The following TEAD1 variants were observed in gnomAD, a reference collection of about 807,000 sequenced individuals.
TEAD1 encodes the protein TEA domain transcription factor 1.
In TEAD1, 9 loss-of-function variants were observed where a neutral mutation model predicts 54.9. That is an observed-to-expected ratio of 0.16 (90% CI 0.10 to 0.29). The LOEUF (loss-of-function observed/expected upper bound fraction) is 0.29, where lower values mean the gene tolerates loss of function less well. Among genes scored for constraint, TEAD1 ranks in the 10% least tolerant of loss-of-function variants. The pLI is 1.00. For missense variants in TEAD1, 387 were observed against 535.9 expected (o/e 0.72, Z 2.74); for synonymous variants, 200 against 187.8 (o/e 1.07, Z -0.53).
At chr11:12,906,358 G>A (rs1033514658) in intron 10 of TEAD1, among the ~76,000 whole-genome samples, 9 of 151,814 alleles carry the variant, frequency 5.9e-5, no homozygotes, top group African/African-American at 1.2e-4. Flanking sequence ...TGGCTAACAC[G>A]GTGAAACCCC....
chr11:12,698,798 A>G (rs1032047057), intron 2 of TEAD1, among the ~76,000 whole-genome samples: 1 of 152,180 alleles, frequency 6.6e-6, no homozygotes, highest in African/African-American at 2.4e-5. Context: ...GGGCATGCGC[A>G]TTAAGTTTTG....
chr11:12,765,966 C>G (rs929795310), intron 3 of TEAD1, among the ~76,000 whole-genome samples: 3 of 152,160 alleles, frequency 2.0e-5, no homozygotes, highest in Admixed American at 6.5e-5. Flanking sequence ...AGCTCCCTTT[C>G]TTAAAGGCAG....
chr11:12,759,111 A>T (rs1945050062), intron 2 of TEAD1, among the ~76,000 whole-genome samples: 1 of 152,168 alleles, frequency 6.6e-6, no homozygotes, highest in South Asian at 2.1e-4. Flanking sequence ...AGTTAAAATC[A>T]ACCCTTTTAC....
intron 3 of TEAD1, among the ~76,000 whole-genome samples, chr11:12,800,469 G>GACTGACAGGAAACACAGCAGGA (rs1472672769): frequency 6.6e-6 from 1 of 152,204 alleles, no homozygotes; most frequent in African/African-American, 2.4e-5. Context: ...CAGCTGGGGA[G>GACTGACAGGAAACACAGCAGGA]ACTGACAGGA....
Position 12,855,253 on chromosome 11 carries a change from GGCTT to G in TEAD1, c.203-6988_203-6985del, listed in dbSNP as rs1176226391. Among the ~76,000 whole-genome samples the G allele has an allele frequency of 5.6e-4, 85 of 151,890 alleles. 2 individuals carry two copies. On this transcript the variant is annotated intron_variant, in intron 3 of 12. Coordinates refer to ENST00000527636, the MANE Select transcript of TEAD1 (RefSeq NM_021961.6). ...CCTTCATCTATACTTTTTGGTTGTT[GGCTT>G]GCTTGCTTTCTTTTTTTTTCTTTTT... is the stretch of plus-strand genomic sequence containing the variant.
chr11:12,935,624 T>A (rs1019566435), intron 12 of TEAD1, among the ~76,000 whole-genome samples: 7 of 152,122 alleles, frequency 4.6e-5, no homozygotes, highest in African/African-American at 1.7e-4. Flanking sequence ...TGTGCCCAGC[T>A]AATTTTTGTG....
At chr11:12,930,003 G>A (rs927161843) in intron 11 of TEAD1, among the ~76,000 whole-genome samples, 171 bp from the exon 12 acceptor site, 5 of 152,088 alleles carry the variant, frequency 3.3e-5, no homozygotes, top group Admixed American at 6.6e-5. Context: ...TCTATGTATA[G>A]CAATAAATTT....
intron 2 of TEAD1, among the ~76,000 whole-genome samples, chr11:12,716,751 A>T (rs550465785): frequency 9.2e-5 from 14 of 152,348 alleles, no homozygotes; most frequent in Admixed American, 3.3e-4. Flanking sequence ...TTTGTTTTTC[A>T]ACCATTAAGG....
At chr11:12,835,088 G>A (rs745951946) in intron 3 of TEAD1, among the ~76,000 whole-genome samples, 1 of 152,134 alleles carries the variant, frequency 6.6e-6, no homozygotes, top group Non-Finnish European at 1.5e-5. Flanking sequence ...TCTTGTTATA[G>A]CTCAGGAAGT....
At position 12,735,181 on chromosome 11, in the gene TEAD1, C is replaced by T. The variant is rs200028653; in HGVS notation, c.-54-28998C>T. 2.0e-4 allele frequency among the ~76,000 whole-genome samples: 31 copies of T among 152,130 alleles called. 1 individual carries two copies. In the East Asian group the frequency reaches 5.8e-3, roughly 28 times the overall value. ...CCCAGGACTTTAAAAATGTTTTTTC[C>T]GGGTTAGAAATACTGAGGGTTTCCA... On this transcript the variant is annotated intron_variant, in intron 2 of 12. Transcript: ENST00000527636.
intron 2 of TEAD1, among the ~76,000 whole-genome samples, chr11:12,677,417 C>T (rs1369612452): frequency 2.6e-5 from 4 of 152,092 alleles, no homozygotes; most frequent in Admixed American, 2.6e-4. Context: ...CCTCTCTCCC[C>T]CCACTTACTT....
chr11:12,922,192 C>CTTTTTT lies in TEAD1; in HGVS notation c.874-2703_874-2698dup, dbSNP rs756723520. Among the ~76,000 whole-genome samples the CTTTTTT allele has an allele frequency of 9.5e-5, 9 of 94,502 alleles. 2 individuals are homozygous for CTTTTTT. The highest frequency in any genetic ancestry group is 3.0e-4 in the African/African-American group (7 of 23,148). The allele number at this position is 94,502 out of a possible 152,430, so 62.0% of individuals were successfully genotyped here. A position where few individuals can be genotyped will look rare whatever the true frequency, so the allele number is the denominator to read the frequency against. On this transcript the variant is annotated intron_variant, in intron 10 of 12. Coordinates refer to ENST00000527636, the MANE Select transcript of TEAD1 (RefSeq NM_021961.6). Reference sequence around the variant, plus strand: ...AGGGGAATGTGGAGTACATGGTTCTCTTTTTTTTTTTTTTTTTTTTTTGAG... The same window carrying CTTTTTT: ...AGGGGAATGTGGAGTACATGGTTCTCTTTTTTTTTTTTTTTTTTTTTTTTTTTTGAG...
chr11:12,889,231 G>A (rs1745967573), intron 9 of TEAD1, among the ~76,000 whole-genome samples: 1 of 152,198 alleles, frequency 6.6e-6, no homozygotes, highest in Non-Finnish European at 1.5e-5. Context: ...TTTAAAAGGG[G>A]CCTCCCTGAA....
At chr11:12,915,097 CT>C (rs1300900295) in intron 10 of TEAD1, among the ~76,000 whole-genome samples, 3 of 152,172 alleles carry the variant, frequency 2.0e-5, no homozygotes, top group Non-Finnish European at 4.4e-5. Flanking sequence ...CCAGGTCATT[CT>C]CCCCAGCTCT....
chr11:12,860,619 G>C (rs545912913), intron 3 of TEAD1, among the ~76,000 whole-genome samples: 2 of 152,192 alleles, frequency 1.3e-5, no homozygotes, highest in African/African-American at 4.8e-5. Context: ...TTCAGCAGAG[G>C]CTGTGTTATT....
chr11:12,793,367 A>G (rs1045892624), intron 3 of TEAD1, among the ~76,000 whole-genome samples: 2 of 152,200 alleles, frequency 1.3e-5, no homozygotes, highest in Non-Finnish European at 2.9e-5. Context: ...GAGAATGGTC[A>G]TTTCCTCAGT....
intron 5 of TEAD1, among the ~76,000 whole-genome samples, chr11:12,869,805 C>T (rs1316853623): frequency 6.6e-6 from 1 of 152,186 alleles, no homozygotes; most frequent in Admixed American, 6.5e-5. Flanking sequence ...TTGCCACTTA[C>T]TTCCCTTAGA....
intron 3 of TEAD1, among the ~76,000 whole-genome samples, chr11:12,795,557 C>G (rs1418866709): frequency 4.6e-5 from 7 of 152,214 alleles, no homozygotes; most frequent in African/African-American, 1.7e-4. Context: ...AGCCACTTCT[C>G]TTTCTACTAA....
rs577513153 is a variant in TEAD1 at position 12,760,188 on chromosome 11, A to G, written c.-54-3991A>G. Among the ~76,000 whole-genome samples the G allele has an allele frequency of 2.0e-5, 3 of 152,352 alleles. No homozygotes were observed. The East Asian group carries it at 5.8e-4, about 29-fold the overall frequency. On this transcript the variant is annotated intron_variant, in intron 2 of 12. Coordinates refer to ENST00000527636, the MANE Select transcript of TEAD1 (RefSeq NM_021961.6). ...TTGTCTAGAGAGGATGGACTTGGAC[A>G]TAAATGAACATCTGTTCATAGTTTT...
Sources: gnomAD v4.1 joint callset for allele counts (sites outside exome capture counted in the v4.1 genomes callset) on GRCh38, gnomAD v4.1.1 for gene constraint, MANE v1.5 for transcripts, NCBI Gene and HGNC (gene_info 2026-07-23, HGNC 2026-07-21) for gene names.